Variants in JADE1 observed in about 807,000 individuals in gnomAD.
The protein encoded by JADE1 is jade family PHD finger 1.
Under a neutral mutation model 81.8 loss-of-function variants are expected in JADE1, and 14 were observed. The ratio of observed to expected loss-of-function variants is 0.17; its 90% CI spans 0.11 to 0.27. JADE1 has a LOEUF of 0.27. JADE1 is among the 10% of genes least tolerant of loss of function. JADE1 has a pLI of 1.00. For missense variants in JADE1, 690 were observed against 1,047.9 expected, an observed-to-expected ratio of 0.66 and a Z score of 4.71; for synonymous variants, 353 against 391.9, an observed-to-expected ratio of 0.90 and a Z score of 1.17.
intron 1 of JADE1, among the ~76,000 whole-genome samples, chr4:128,813,770 GTCT>G (rs1726726560): frequency 6.6e-6 from 1 of 151,856 alleles, no homozygotes; most frequent in Non-Finnish European, 1.5e-5. Context: ...GTATTTTGCT[GTCT>G]TCTTCAAAGT....
intron 1 of JADE1, among the ~76,000 whole-genome samples, chr4:128,820,392 G>A (rs1165422540): frequency 1.3e-5 from 2 of 151,986 alleles, no homozygotes; most frequent in South Asian, 4.1e-4. Flanking sequence ...GATTACAGGC[G>A]TGAGCCACCA....
chr4:128,864,384 G>A, intron 9 of JADE1: 1 of 912,318 alleles, frequency 1.1e-6, no homozygotes, highest in Non-Finnish European at 1.3e-6. Context: ...GACCTCAAGT[G>A]ATCTACCTGT....
intron 4 of JADE1, among the ~76,000 whole-genome samples, chr4:128,847,738 C>G (rs574076916): frequency 1.3e-5 from 2 of 152,316 alleles, no homozygotes; most frequent in East Asian, 3.9e-4. Flanking sequence ...AAGTTGGATC[C>G]CTGCTCTTGG....
In JADE1 at chr4:128,872,586, C is replaced by T; in HGVS notation, c.*324C>T. Reference sequence around the variant, plus strand: ...ATAAGCCTCATGAATTTTTATAGCCCTCTGCATTCTTCCCAAAGCACAAAC... The same window carrying T: ...ATAAGCCTCATGAATTTTTATAGCCTTCTGCATTCTTCCCAAAGCACAAAC... On this transcript the variant is annotated 3_prime_UTR_variant, in exon 11 of 11. Transcript: ENST00000226319. The T allele has an allele frequency of 3.5e-6, 1 of 286,026 alleles. No individual in the cohort carries two copies. Among genetic ancestry groups the T allele is most frequent in the Non-Finnish European group, 6.7e-6 (1 of 149,088 alleles). 17.7% of individuals were successfully genotyped at this position (286,026 alleles called of 1,614,324 possible).
intron 1 of JADE1, among the ~76,000 whole-genome samples, chr4:128,826,308 A>G (rs1488398336): frequency 1.3e-5 from 2 of 152,046 alleles, no homozygotes; most frequent in Non-Finnish European, 1.5e-5. Context: ...CCCGTACTGC[A>G]AGGTCCCATT....
chr4:128,855,433 C>T (rs994669614), intron 6 of JADE1, among the ~76,000 whole-genome samples, 197 bp from the exon 7 acceptor site: 2 of 152,348 alleles, frequency 1.3e-5, no homozygotes, highest in Non-Finnish European at 2.9e-5. Flanking sequence ...TACATATTCA[C>T]CTCCTAAATG....
intron 10 of JADE1, among the ~76,000 whole-genome samples, chr4:128,870,162 A>C (rs76205835): frequency 0.011 from 1,724 of 152,318 alleles, 28 homozygotes; most frequent in African/African-American, 0.036. Flanking sequence ...TGATTGAGTA[A>C]AAGAAATATA....
chr4:128,842,283 TTTTTC>T (rs1286403565), intron 2 of JADE1, among the ~76,000 whole-genome samples: 4 of 151,810 alleles, frequency 2.6e-5, no homozygotes, highest in Non-Finnish European at 4.4e-5. Flanking sequence ...CAGTAAGATG[TTTTTC>T]TTTTCTTTTC....
Position 128,859,654 on chromosome 4 carries a change from A to G in JADE1, c.982-2050A>G, listed in dbSNP as rs148875807. Among the ~76,000 whole-genome samples the G allele has an allele frequency of 1.5e-3, 233 of 152,332 alleles. 2 individuals are homozygous for G. Among genetic ancestry groups the G allele is most frequent in the East Asian group, 0.014 (70 of 5,182 alleles). On this transcript the variant is annotated intron_variant, in intron 8 of 10. Transcript: ENST00000226319. Reference sequence around the variant, plus strand: ...ACTGGCAGGAAACAGGCTGCAGCAGACCACATTCCCCGGTGTTCTGAGCGT... The same window carrying G: ...ACTGGCAGGAAACAGGCTGCAGCAGGCCACATTCCCCGGTGTTCTGAGCGT...
At chr4:128,818,142 A>G (rs1253637719) in intron 1 of JADE1, among the ~76,000 whole-genome samples, 3 of 149,534 alleles carry the variant, frequency 2.0e-5, no homozygotes, top group Non-Finnish European at 4.4e-5. Context: ...TTTTTTTGAG[A>G]TAGAGTCTTG....
At chr4:128,834,054 A>G (rs565588954) in intron 2 of JADE1, among the ~76,000 whole-genome samples, 167 of 152,300 alleles carry the variant, frequency 1.1e-3, no homozygotes, top group Non-Finnish European at 1.9e-3. Flanking sequence ...GCTAGTGTCC[A>G]CTGTGTTGGA....
At chr4:128,867,814 T>C (rs373800808) in intron 9 of JADE1, 42 bp from the exon 10 acceptor site, 12 of 1,304,888 alleles carry the variant, frequency 9.2e-6, no homozygotes, top group Non-Finnish European at 1.2e-5. Flanking sequence ...AGTACTGTTA[T>C]ACTGTATTGC....
intron 1 of JADE1, among the ~76,000 whole-genome samples, chr4:128,824,087 C>G (rs539716753): frequency 1.2e-4 from 19 of 152,094 alleles, no homozygotes; most frequent in African/African-American, 4.6e-4. Context: ...TATCAGGTAC[C>G]TAGTGTTTAA....
At position 128,852,033 on chromosome 4, in the gene JADE1, G is replaced by A. The variant is rs537067584; in HGVS notation, c.485-24G>A. On this transcript the variant is annotated intron_variant, in intron 5 of 10. Transcript: ENST00000226319. ...TATTAATATGGATTTATTAAAATGG[G>A]TTTTGTGGCATTTTTAACTTCAGGA... The A allele has an allele frequency of 2.0e-6, 3 of 1,517,046 alleles. No homozygotes were observed. In the East Asian group the frequency reaches 6.8e-5, roughly 34 times the overall value. The allele number at this position is 1,517,046 out of a possible 1,614,324, so 94.0% of individuals were successfully genotyped here. A position where few individuals can be genotyped will look rare whatever the true frequency, so the allele number is the denominator to read the frequency against.
chr4:128,818,458 C>A (rs892604766), intron 1 of JADE1, among the ~76,000 whole-genome samples: 2 of 152,102 alleles, frequency 1.3e-5, no homozygotes, highest in Non-Finnish European at 2.9e-5. Context: ...TGTGTCTGAT[C>A]CTTAATTTTG....
At position 128,871,068 on chromosome 4, in the gene JADE1, A is replaced by G. The variant is rs1732156496; in HGVS notation, c.1622-287A>G. On this transcript the variant is annotated intron_variant, in intron 10 of 10. Transcript: ENST00000226319. The surrounding 1 kb of genome is among the most constrained non-coding windows in gnomAD (Gnocchi z 4.1). ...GTTCTGCATGGAGTCCGCTCTGAAA[A>G]TCAGATCAGTTATTTTGTTTGGAGG... 6.6e-6 allele frequency among the ~76,000 whole-genome samples: 1 copy of G among 152,210 alleles called. No individual in the cohort carries two copies. Among genetic ancestry groups the G allele is most frequent in the South Asian group, 2.1e-4 (1 of 4,830 alleles).
At chr4:128,832,816 G>A (rs1218524484) in intron 2 of JADE1, among the ~76,000 whole-genome samples, 1 of 152,242 alleles carries the variant, frequency 6.6e-6, no homozygotes, top group Non-Finnish European at 1.5e-5. Flanking sequence ...CAAGTTAAAA[G>A]CTGCACATTA....
intron 10 of JADE1, among the ~76,000 whole-genome samples, chr4:128,868,817 T>C (rs944019653): frequency 1.3e-5 from 2 of 152,206 alleles, no homozygotes; most frequent in African/African-American, 4.8e-5. Flanking sequence ...TAGGGACCCA[T>C]GGAACAGGTA....
chr4:128,831,630 T>G lies in JADE1; in HGVS notation c.-26-103T>G, dbSNP rs1249829365. On this transcript the variant is annotated intron_variant, in intron 1 of 10. Transcript: ENST00000226319. ...CAATTCAAATGCTACTTAAAGCCAT[T>G]TGTTTGCTTTTGTTTGCTGTAAATC... The G allele has an allele frequency of 7.8e-6, 7 of 901,266 alleles. 1 individual carries two copies. The highest frequency in any genetic ancestry group is 2.0e-5 in the Admixed American group (1 of 50,426). The allele number at this position is 901,266 out of a possible 1,614,324, so 55.8% of individuals were successfully genotyped here. A position where few individuals can be genotyped will look rare whatever the true frequency, so the allele number is the denominator to read the frequency against.
Sources: gnomAD v4.1 joint callset for allele counts (sites outside exome capture counted in the v4.1 genomes callset) on GRCh38, gnomAD v4.1.1 for gene constraint, Gnocchi (gnomAD v3.1) non-coding constraint, MANE v1.5 for transcripts, NCBI Gene and HGNC (gene_info 2026-07-23, HGNC 2026-07-21) for gene names.